The following TMEM178B variants were observed in gnomAD, a reference collection of about 807,000 sequenced individuals.
TMEM178B encodes the protein transmembrane protein 178B.
Under a neutral mutation model 31.0 loss-of-function variants are expected in TMEM178B, and 5 were observed. The ratio of observed to expected loss-of-function variants is 0.16; its 90% CI spans 0.08 to 0.34. TMEM178B has a LOEUF of 0.34. Ranked by LOEUF, TMEM178B falls within the 10% of genes least tolerant of loss-of-function variation. The pLI is 1.00. For missense variants in TMEM178B, 275 were observed against 400.3 expected (o/e 0.69, Z 2.67); for synonymous variants, 164 against 164.0 (o/e 1.00, Z 0.00).
intron 1 of TMEM178B, chr7:141,172,893 A>T (rs1423548177): frequency 6.6e-6 from 1 of 152,236 alleles, no homozygotes. Context: ...AGATCTGCAC[A>T]GATGTATTGT....
At position 141,461,140 on chromosome 7, in the gene TMEM178B, G is replaced by C. The variant is rs1006115152; in HGVS notation, c.635-9396G>C. On this transcript the variant is annotated intron_variant, in intron 3 of 3. Coordinates refer to ENST00000565468, the MANE Select transcript of TMEM178B (RefSeq NM_001195278.2). This position sits in a 1 kb window ranked among gnomAD's most constrained non-coding sequence, Gnocchi z 4.0. ...AGGAGGCCCTCTCCTTCTGTTTGCT[G>C]ATTTGGTTCTTGTTGGTTTTAAAGA... Among the ~76,000 whole-genome samples, 1 of 152,186 alleles carries C rather than the reference G, an allele frequency of 6.6e-6. No homozygotes were observed. The highest frequency in any genetic ancestry group is 2.4e-5 in the African/African-American group (1 of 41,442).
At chr7:141,231,116 T>A (rs946061021) in intron 2 of TMEM178B, among the ~76,000 whole-genome samples, 1 of 152,214 alleles carries the variant, frequency 6.6e-6, no homozygotes, top group African/African-American at 2.4e-5. Context: ...CTTGAAGTTC[T>A]TTTACAGCTT....
the TMEM178B span, among the ~76,000 whole-genome samples, chr7:141,489,152 A>C: frequency 2.0e-5 from 3 of 152,202 alleles, no homozygotes; most frequent in Non-Finnish European, 4.4e-5. Flanking sequence ...AATCAGGGGC[A>C]TTCTCTTCTT....
intron 2 of TMEM178B, among the ~76,000 whole-genome samples, chr7:141,341,379 C>A (rs898582339): frequency 1.3e-5 from 2 of 152,100 alleles, no homozygotes; most frequent in Non-Finnish European, 1.5e-5. Context: ...GGAAAAAGAG[C>A]AAGGATTTCT....
intron 3 of TMEM178B, among the ~76,000 whole-genome samples, chr7:141,443,716 G>A (rs1463651339): frequency 2.0e-5 from 3 of 152,202 alleles, no homozygotes; most frequent in Admixed American, 6.5e-5. Flanking sequence ...GCCCACGCTT[G>A]AGGAATGGGG....
At chr7:141,086,252 G>T (rs1794786064) in intron 1 of TMEM178B, among the ~76,000 whole-genome samples, 1 of 152,090 alleles carries the variant, frequency 6.6e-6, no homozygotes, top group South Asian at 2.1e-4. Context: ...GGCTGGTCTC[G>T]AACTCTTGAC....
chr7:141,374,312 A>G lies in TMEM178B; in HGVS notation c.497-63296A>G, dbSNP rs1800172031. 2.0e-5 allele frequency among the ~76,000 whole-genome samples: 3 copies of G among 152,178 alleles called. No homozygotes were observed. The South Asian group carries it at 6.2e-4, about 32-fold the overall frequency. ...CTCTTAGATGATTTCCTGGTGCTCC[A>G]TAGTGCCAGATGCCCTATTTGGCTA... On this transcript the variant is annotated intron_variant, in intron 2 of 3. Coordinates refer to ENST00000565468, the MANE Select transcript of TMEM178B (RefSeq NM_001195278.2).
At position 141,094,553 on chromosome 7, in the gene TMEM178B, T is replaced by C. The variant is rs189860835; in HGVS notation, c.382+19861T>C. Among the ~76,000 whole-genome samples the C allele has an allele frequency of 1.1e-4, 16 of 152,312 alleles. No homozygotes were observed. The South Asian group carries it at 1.5e-3, about 14-fold the overall frequency. On this transcript the variant is annotated intron_variant, in intron 1 of 3. Transcript: ENST00000565468. ...GATTGGTTGGACATTCTGAGACATT[T>C]TGGCCTCAGTTAGTTGGAATGTGAC...
chr7:141,187,555 C>T (rs560171935), intron 1 of TMEM178B, among the ~76,000 whole-genome samples: 9 of 152,158 alleles, frequency 5.9e-5, no homozygotes, highest in African/African-American at 2.2e-4. Context: ...TACAGTCCCA[C>T]CAACAGTGTA....
At chr7:141,314,555 C>A (rs565103797) in intron 2 of TMEM178B, among the ~76,000 whole-genome samples, 2 of 152,274 alleles carry the variant, frequency 1.3e-5, no homozygotes, top group East Asian at 3.9e-4. Context: ...AGCTTCTGTC[C>A]CCACCAGTCT....
In TMEM178B at chr7:141,448,148, A is replaced by G. The variant is rs796451845; in HGVS notation, c.634+10403A>G. Among the ~76,000 whole-genome samples, 11 of 152,056 alleles carry G rather than the reference A, an allele frequency of 7.2e-5. 1 individual carries two copies. Among genetic ancestry groups the G allele is most frequent in the African/African-American group, 2.7e-4 (11 of 41,470 alleles). ...GCATGTGTGCCTCTTTCCTTATGTC[A>G]AAAGCTACTCCCCAAATATTGAGAA... On this transcript the variant is annotated intron_variant, in intron 3 of 3. Transcript: ENST00000565468.
At chr7:141,348,334 A>G (rs1409807242) in intron 2 of TMEM178B, among the ~76,000 whole-genome samples, 1 of 152,258 alleles carries the variant, frequency 6.6e-6, no homozygotes, top group Non-Finnish European at 1.5e-5. Context: ...AATGCATTGC[A>G]TCCAACGTGT....
intron 1 of TMEM178B, among the ~76,000 whole-genome samples, chr7:141,203,832 TTTTG>T (rs1476167383): frequency 1.3e-5 from 2 of 152,148 alleles, no homozygotes; most frequent in Non-Finnish European, 2.9e-5. Context: ...TTGAATAGAT[TTTTG>T]TTTGTTTTAA....
chr7:141,310,146 G>C (rs1563147772), intron 2 of TMEM178B, among the ~76,000 whole-genome samples: 1 of 152,156 alleles, frequency 6.6e-6, no homozygotes, highest in African/African-American at 2.4e-5. Flanking sequence ...AGAGTGAAGA[G>C]ACAACCTACA....
chr7:141,431,908 A>G (rs558314286), intron 2 of TMEM178B, among the ~76,000 whole-genome samples: 1 of 152,322 alleles, frequency 6.6e-6, no homozygotes, highest in South Asian at 2.1e-4. Context: ...TAGGTTAACG[A>G]GAATGGGCAG....
At chr7:141,313,463 G>A (rs1218715330) in intron 2 of TMEM178B, among the ~76,000 whole-genome samples, 3 of 152,152 alleles carry the variant, frequency 2.0e-5, no homozygotes, top group African/African-American at 4.8e-5. Context: ...CTAGGATACT[G>A]CCATTCTCAG....
At chr7:141,220,256 TG>T (rs1413906583) in intron 2 of TMEM178B, among the ~76,000 whole-genome samples, 1 of 151,644 alleles carries the variant, frequency 6.6e-6, no homozygotes, top group African/African-American at 2.4e-5. Flanking sequence ...GAGTTTGCAG[TG>T]AGTGGAGCTC....
At chr7:141,120,523 CAAACTGCTAATAAAATACAACTA>C (rs1429956132) in intron 1 of TMEM178B, among the ~76,000 whole-genome samples, 1 of 152,088 alleles carries the variant, frequency 6.6e-6, no homozygotes, top group Non-Finnish European at 1.5e-5. Context: ...ACCTTTTAAT[CAAACTGCTAATAAAATACAACTA>C]AAGGTGTCCT....
rs73739803 is a variant in TMEM178B, at chr7:141,342,693, G to C, written c.497-94915G>C. On this transcript the variant is annotated intron_variant, in intron 2 of 3. Coordinates refer to ENST00000565468, the MANE Select transcript of TMEM178B (RefSeq NM_001195278.2). ...GCAAGCTGAGTATCCACTTTCACCA[G>C]ACTCTTCTCACATACGGATAACTTA... is the stretch of plus-strand genomic sequence containing the variant. Among the ~76,000 whole-genome samples, 1,061 of 152,306 alleles carry C rather than the reference G, an allele frequency of 7.0e-3. 9 individuals are homozygous for C. Among genetic ancestry groups the C allele is most frequent in the African/African-American group, 0.024 (986 of 41,566 alleles).
Sources: gnomAD v4.1 joint callset for allele counts (sites outside exome capture counted in the v4.1 genomes callset) on GRCh38, gnomAD v4.1.1 for gene constraint, Gnocchi (gnomAD v3.1) non-coding constraint, MANE v1.5 for transcripts, NCBI Gene and HGNC (gene_info 2026-07-23, HGNC 2026-07-21) for gene names.